The following DLC1 variants were observed in gnomAD, a reference collection of about 807,000 sequenced individuals.
The protein encoded by DLC1 is rho GTPase-activating protein 7.
In DLC1, 54 loss-of-function variants were observed where a neutral mutation model predicts 140.3. That is an observed-to-expected ratio of 0.38 (90% CI 0.31 to 0.48). DLC1 has a LOEUF of 0.48. Ranked by LOEUF, DLC1 falls within the 20% of genes least tolerant of loss-of-function variation. The probability of loss-of-function intolerance (pLI) is 0.96; values close to 1 mark genes in which losing one functional copy is unlikely to be tolerated. For synonymous variants in DLC1, 986 were observed against 728.1 expected, an observed-to-expected ratio of 1.35 and a Z score of -5.70; for missense variants, 2,536 against 1,907.0, an observed-to-expected ratio of 1.33 and a Z score of -6.14.
chr8:13,163,532 C>A (rs1019576654), intron 5 of DLC1, among the ~76,000 whole-genome samples: 1 of 152,218 alleles, frequency 6.6e-6, no homozygotes, highest in Admixed American at 6.5e-5. Context: ...CAGTCACAGG[C>A]ACTTTTGTGT....
chr8:13,525,672 T>C (rs1487188245), intron 1 of DLC1, among the ~76,000 whole-genome samples: 2 of 152,208 alleles, frequency 1.3e-5, no homozygotes, highest in African/African-American at 4.8e-5. Flanking sequence ...TTTTCCAAAA[T>C]TGGTTTGTTG....
At chr8:13,267,394 T>A (rs1297019702) in intron 5 of DLC1, among the ~76,000 whole-genome samples, 1 of 151,838 alleles carries the variant, frequency 6.6e-6, no homozygotes, top group Non-Finnish European at 1.5e-5. Flanking sequence ...GATATAGTAA[T>A]CAACCATGAA....
At chr8:13,522,506 T>G (rs1181370547) in intron 1 of DLC1, among the ~76,000 whole-genome samples, 1 of 151,932 alleles carries the variant, frequency 6.6e-6, no homozygotes, top group East Asian at 1.9e-4. Context: ...GTGCCTGTAA[T>G]CCCATTTACT....
chr8:13,282,254 G>T (rs939835372), intron 5 of DLC1, among the ~76,000 whole-genome samples: 2 of 152,120 alleles, frequency 1.3e-5, no homozygotes, highest in Non-Finnish European at 2.9e-5. Context: ...TGTTTGTTTG[G>T]GTTTAATCCT....
chr8:13,300,853 C>T (rs963569492), intron 5 of DLC1, among the ~76,000 whole-genome samples: 1 of 152,274 alleles, frequency 6.6e-6, no homozygotes, highest in African/African-American at 2.4e-5. Context: ...ACTCTGGTGA[C>T]AGTGCAGATA....
At chr8:13,598,250 G>T (rs947861597) in intron 1 of DLC1, among the ~76,000 whole-genome samples, 12 of 152,048 alleles carry the variant, frequency 7.9e-5, no homozygotes, top group African/African-American at 2.9e-4. Context: ...TCTAATTTTT[G>T]TAAATATGTA....
chr8:13,223,705 C>A (rs1828662503), intron 5 of DLC1, among the ~76,000 whole-genome samples: 1 of 152,186 alleles, frequency 6.6e-6, no homozygotes, highest in African/African-American at 2.4e-5. Flanking sequence ...AAACAACAAG[C>A]ACTCCATTTT....
intron 1 of DLC1, among the ~76,000 whole-genome samples, chr8:13,562,538 A>G (rs1464721694): frequency 2.6e-5 from 4 of 152,224 alleles, no homozygotes; most frequent in Admixed American, 2.0e-4. Flanking sequence ...CTTATCCTTT[A>G]GATTGGCAAG....
intron 5 of DLC1, among the ~76,000 whole-genome samples, chr8:13,168,616 G>C (rs1418054740): frequency 6.6e-6 from 1 of 152,228 alleles, no homozygotes; most frequent in Non-Finnish European, 1.5e-5. Context: ...AGTATCTTTT[G>C]TCTTTTGTTC....
chr8:13,523,685 G>T (rs1035225471), intron 1 of DLC1, among the ~76,000 whole-genome samples: 3 of 152,096 alleles, frequency 2.0e-5, no homozygotes. Flanking sequence ...AAAGGAACAA[G>T]TTCAAAGAAT....
At chr8:13,385,881 A>C (rs1273402377) in intron 4 of DLC1, among the ~76,000 whole-genome samples, 1 of 152,212 alleles carries the variant, frequency 6.6e-6, no homozygotes, top group African/African-American at 2.4e-5. Flanking sequence ...AGGTAGAAAA[A>C]TATGGGAAAA....
At chr8:13,220,034 G>A (rs1288730597) in intron 5 of DLC1, among the ~76,000 whole-genome samples, 30 of 152,110 alleles carry the variant, frequency 2.0e-4, no homozygotes, top group Admixed American at 1.8e-3. Flanking sequence ...AGGGGTTGGC[G>A]GGAGTGACTG....
At chr8:13,455,849 C>T (rs1428614342) in intron 2 of DLC1, among the ~76,000 whole-genome samples, 3 of 152,024 alleles carry the variant, frequency 2.0e-5, no homozygotes, top group Non-Finnish European at 4.4e-5. Context: ...GCACTCTGGC[C>T]TGGGCAACAG....
At position 13,107,097 on chromosome 8, in the gene DLC1, A is replaced by C. The variant is rs557997619; in HGVS notation, c.1502+3645T>G. Among the ~76,000 whole-genome samples the C allele has an allele frequency of 4.5e-4, 68 of 152,354 alleles. No individual in the cohort carries two copies. The East Asian group carries it at 7.1e-3, about 16-fold the overall frequency. On this transcript the variant is annotated intron_variant, in intron 7 of 17. Transcript: ENST00000276297. ...CAGGCCAAAGCCGTTTCTCCAAGGGAACAGACACATGAACCCCTTGCAGTG... is the reference window on the plus strand; with the variant it reads ...CAGGCCAAAGCCGTTTCTCCAAGGGCACAGACACATGAACCCCTTGCAGTG...
intron 5 of DLC1, among the ~76,000 whole-genome samples, chr8:13,280,524 A>G (rs1025811290): frequency 6.6e-6 from 1 of 152,152 alleles, no homozygotes; most frequent in African/African-American, 2.4e-5. Flanking sequence ...TAAGAAAATC[A>G]TCCTGCTTTG....
chr8:13,245,188 G>T (rs536083649), intron 5 of DLC1, among the ~76,000 whole-genome samples: 1 of 152,166 alleles, frequency 6.6e-6, no homozygotes, highest in Non-Finnish European at 1.5e-5. Context: ...CTGTGAGGAA[G>T]CCCAGGCTAT....
chr8:13,457,539 T>C (rs1255367040), intron 2 of DLC1, among the ~76,000 whole-genome samples: 1 of 151,186 alleles, frequency 6.6e-6, no homozygotes, highest in African/African-American at 2.4e-5. Context: ...TAGCCGGGTG[T>C]GGTGATGTGT....
At chr8:13,290,167 T>C (rs536121177) in intron 5 of DLC1, among the ~76,000 whole-genome samples, 4 of 152,290 alleles carry the variant, frequency 2.6e-5, no homozygotes, top group African/African-American at 9.6e-5. Context: ...TGATAATCTG[T>C]CTTAAGCCTT....
chr8:13,278,345 C>A (rs1831248597), intron 5 of DLC1, among the ~76,000 whole-genome samples: 2 of 152,158 alleles, frequency 1.3e-5, no homozygotes, highest in African/African-American at 4.8e-5. Context: ...GTCTGGGCAC[C>A]TTGAAGCGTG....
Sources: allele counts gnomAD v4.1 joint callset (sites outside exome capture counted in the v4.1 genomes callset), GRCh38; gene constraint gnomAD v4.1.1; transcripts MANE v1.5; gene names NCBI Gene and HGNC (gene_info 2026-07-23, HGNC 2026-07-21).